The following WNK4 variants were observed in gnomAD, a reference collection of about 807,000 sequenced individuals.
WNK4 encodes serine/threonine-protein kinase WNK4.
A neutral mutation model predicts 116.2 loss-of-function variants in WNK4; 94 were observed. The observed-to-expected ratio is 0.81, with a 90% CI of 0.68 to 0.96. The LOEUF (loss-of-function observed/expected upper bound fraction) is 0.96. Among genes scored for constraint, WNK4 ranks in the 40% least tolerant of loss-of-function variants. The pLI is 0.00. For missense variants in WNK4, 1,542 were observed against 1,650.6 expected (o/e 0.93, Z 1.14); for synonymous variants, 655 against 672.7 (o/e 0.97, Z 0.41).
rs758558070 is a variant in WNK4 at position 42,784,406 on chromosome 17, G to T, written c.1013-16G>T. The T allele has an allele frequency of 2.5e-6, 4 of 1,612,258 alleles. No homozygotes were observed. The highest frequency in any genetic ancestry group is 1.7e-4 in the Middle Eastern group (1 of 6,060). On this transcript the variant is annotated splice_polypyrimidine_tract_variant and intron_variant, in intron 3 of 18. Transcript: ENST00000246914. This position sits in a 1 kb window ranked among gnomAD's most constrained non-coding sequence, Gnocchi z 4.4. ...CAGAGTGCCCAGCAATCTGATCCCT[G>T]CTGTGGACCCTACAGGGACCCCGGA...
chr17:42,787,382 A>G lies in WNK4; in HGVS notation c.1581A>G (p.Ala527=). 1 of 1,614,136 alleles carries G rather than the reference A, an allele frequency of 6.2e-7. No individual in the cohort carries two copies. ...GAAAGCGTGAGAAGCTGCGTAAAGCAAGGGAATTGGAGGCACTCCCACCAG... is the reference window on the plus strand; with the variant it reads ...GAAAGCGTGAGAAGCTGCGTAAAGCGAGGGAATTGGAGGCACTCCCACCAG... ...IQRKREKLRK[A]RELEALPPEP... is the part of the protein sequence containing the mutation. The change falls in exon 7 of 19, where the codon GCA becomes GCG. Residue 527 remains alanine (A), a synonymous_variant. Coordinates refer to ENST00000246914, the MANE Select transcript of WNK4 (RefSeq NM_032387.5).
chr17:42,784,230 C>G lies in WNK4; in HGVS notation c.1012+73C>G, dbSNP rs2054516838. The G allele has an allele frequency of 6.3e-7, 1 of 1,588,530 alleles. No homozygotes were observed. Among genetic ancestry groups the G allele is most frequent in the Admixed American group, 1.7e-5 (1 of 59,736 alleles). The stretch of plus-strand genomic sequence containing the variant: ...AGAAGAGAACCTGGGGACTCCCTCC[C>G]CTCAGCAAGGGCCTTCAAGGTCCAC... On this transcript the variant is annotated intron_variant, in intron 3 of 18. Transcript: ENST00000246914. The surrounding 1 kb of genome is among the most constrained non-coding windows in gnomAD (Gnocchi z 4.4).
rs201748544 is a variant in WNK4 at position 42,788,398 on chromosome 17, G to A, written c.2031G>A (p.Arg677=). 458 of 1,612,518 alleles carry A rather than the reference G, an allele frequency of 2.8e-4. 2 individuals carry two copies. In the Middle Eastern group the frequency reaches 3.7e-3, roughly 13 times the overall value. ...NLRRRPRSRL[R]VTSVSDQNDR... Reference sequence around the variant, plus strand: ...GGCGCAGACCCCGATCCCGGCTGCGGGTCACTAGTGTAAGGATGGAGTACA... The same window carrying A: ...GGCGCAGACCCCGATCCCGGCTGCGAGTCACTAGTGTAAGGATGGAGTACA... The change falls in exon 10 of 19, where the codon CGG becomes CGA. Residue 677 remains arginine (R), a synonymous_variant. Transcript: ENST00000246914.
rs374744005 is a variant in WNK4 at position 42,780,671 on chromosome 17, T to G, written c.-28T>G. On this transcript the variant is annotated 5_prime_UTR_variant, in exon 1 of 19. Transcript: ENST00000246914. ...CGCCTCCTCTCCGGCCGTCTGATTT[T>G]CTACCCTTCGGCGCCCTGCTCTTCC... The G allele has an allele frequency of 2.5e-6, 4 of 1,602,886 alleles. No individual in the cohort carries two copies. In the South Asian group the frequency reaches 3.3e-5, roughly 13 times the overall value.
Position 42,796,140 on chromosome 17 carries a change from A to G in WNK4, c.3449A>G (p.Glu1150Gly). The change falls in exon 17 of 19, where the codon GAA (glutamate) becomes GGA (glycine). Residue 1150 changes from glutamate (E) to glycine (G), a missense_variant. This residue lies in a region of WNK4 where 148 missense variants were observed against 157.2 expected (regional missense o/e 0.94). Coordinates refer to ENST00000246914, the MANE Select transcript of WNK4 (RefSeq NM_032387.5). ...ATCCTCAGGCACTTGTCAGAGGTGGAAACACTACAGACACTACAGAAAAAA... is the reference window on the plus strand; with the variant it reads ...ATCCTCAGGCACTTGTCAGAGGTGGGAACACTACAGACACTACAGAAAAAA... ...SLRQKHLSEV[E>G]TLQTLQKKEI... 2.5e-6 allele frequency: 4 copies of G among 1,614,130 alleles called. No individual in the cohort carries two copies. The highest frequency in any genetic ancestry group is 3.4e-6 in the Non-Finnish European group (4 of 1,180,020).
At chr17:42,787,171 G>A in intron 6 of WNK4, 107 bp from the exon 7 acceptor site, 1 of 1,500,616 alleles carries the variant, frequency 6.7e-7, no homozygotes, top group Non-Finnish European at 9.0e-7. Context: ...TAATCAGTAA[G>A]TGTTGGTTTT....
intron 11 of WNK4, 88 bp downstream of exon 11, chr17:42,788,885 C>A (rs1467131321): frequency 9.5e-7 from 1 of 1,054,896 alleles, no homozygotes; most frequent in African/African-American, 1.6e-5. Flanking sequence ...ACCCACTGAT[C>A]CGACAGCAAG....
At position 42,795,320 on chromosome 17, in the gene WNK4, C is replaced by G. The variant is rs1395837271; in HGVS notation, c.2899C>G (p.Pro967Ala). ...TCCCCTCCCTAGCCTGCCCCTTCCC[C>G]CTCCCGTTGCTCCTGGTGGCCAGGA... ...PSPLPSLPLPPPVAPGGQESP... is the reference protein window; with the variant it reads ...PSPLPSLPLPAPVAPGGQESP... Residue 967 changes from proline to alanine, a missense_variant, in exon 14 of 19, where the codon CCT (proline) becomes GCT (alanine). This residue lies in a region of WNK4 where 292 missense variants were observed against 290.1 expected (regional missense o/e 1.01). Transcript: ENST00000246914. 1.2e-6 allele frequency: 2 copies of G among 1,614,020 alleles called. No homozygotes were observed. The highest frequency in any genetic ancestry group is 1.7e-6 in the Non-Finnish European group (2 of 1,180,030).
chr17:42,785,596 T>C, intron 6 of WNK4, 114 bp downstream of exon 6: 1 of 1,251,136 alleles, frequency 8.0e-7, no homozygotes. Context: ...GCGGGGCACC[T>C]CACCCCTCTC....
chr17:42,784,489 G>C lies in WNK4; in HGVS notation c.1080G>C (p.Ala360=). ...EKYDEAVDVY[A]FGMCMLEMAT... ...ACGATGAGGCCGTGGACGTGTACGC[G>C]TTCGGCATGTGCATGCTGGAGATGG... Residue 360 remains alanine (A), a synonymous_variant, in exon 4 of 19, where the codon GCG becomes GCC. Coordinates refer to ENST00000246914, the MANE Select transcript of WNK4 (RefSeq NM_032387.5). The surrounding 1 kb of genome is among the most constrained non-coding windows in gnomAD (Gnocchi z 4.4). The C allele has an allele frequency of 6.2e-7, 1 of 1,613,984 alleles. No individual in the cohort carries two copies. Among genetic ancestry groups the C allele is most frequent in the African/African-American group, 1.3e-5 (1 of 74,998 alleles).
In WNK4 at chr17:42,793,595, T is replaced by C. The variant is rs1400231830; in HGVS notation, c.2161T>C (p.Tyr721His). Residue 721 changes from tyrosine (Y) to histidine (H), a missense_variant, in exon 12 of 19, where the codon TAT (tyrosine) becomes CAT (histidine). Coordinates refer to ENST00000246914, the MANE Select transcript of WNK4 (RefSeq NM_032387.5). The stretch of plus-strand genomic sequence containing the variant: ...CCATCCTGTTGACCCTCGCAAGGTA[T>C]ATAACGAGTTCATTCTGCCTTCGGA... ...SPEEIAAAMV[Y>H]NEFILPSERD... is the part of the protein sequence containing the mutation. 3 of 1,613,964 alleles carry C rather than the reference T, an allele frequency of 1.9e-6. No homozygotes were observed. Among genetic ancestry groups the C allele is most frequent in the South Asian group, 1.1e-5 (1 of 91,080 alleles).
In WNK4 at chr17:42,785,315, G is replaced by T. The variant is rs777975684; in HGVS notation, c.1309G>T (p.Gly437Cys). The T allele has an allele frequency of 8.7e-6, 14 of 1,612,196 alleles. No individual in the cohort carries two copies. The highest frequency in any genetic ancestry group is 1.7e-5 in the Admixed American group (1 of 59,760). The change falls in exon 6 of 19, where the codon GGT (glycine) becomes TGT (cysteine). Residue 437 changes from glycine to cysteine, a missense_variant. Transcript: ENST00000246914. Reference sequence around the variant, plus strand: ...CCACGCCTTCTTCCGCGAGGAGCGCGGTGTGCACGTGGAACTAGCGGAGGA... The same window carrying T: ...CCACGCCTTCTTCCGCGAGGAGCGCTGTGTGCACGTGGAACTAGCGGAGGA... ...LAHAFFREER[G>C]VHVELAEEDD...
rs1019672837 is a variant in WNK4 at position 42,782,799 on chromosome 17, G to T, written c.660G>T (p.Glu220Asp). 1 of 1,614,106 alleles carries T rather than the reference G, an allele frequency of 6.2e-7. No individual in the cohort carries two copies. The highest frequency in any genetic ancestry group is 8.5e-7 in the Non-Finnish European group (1 of 1,180,046). Reference sequence around the variant, plus strand: ...GAGCTGAGCGGCAGCGCTTCTCAGAGGAGGTGGAGATGCTCAAGGGGCTGC... The same window carrying T: ...GAGCTGAGCGGCAGCGCTTCTCAGATGAGGTGGAGATGCTCAAGGGGCTGC... ...LSRAERQRFS[E>D]EVEMLKGLQH... The change falls in exon 2 of 19, where the codon GAG becomes GAT. Residue 220 changes from glutamate (E) to aspartate (D), a missense_variant. Coordinates refer to ENST00000246914, the MANE Select transcript of WNK4 (RefSeq NM_032387.5). This position sits in a 1 kb window ranked among gnomAD's most constrained non-coding sequence, Gnocchi z 4.2.
chr17:42,795,684 C>A lies in WNK4; in HGVS notation c.3082C>A (p.Pro1028Thr), dbSNP rs1310705360. 2.5e-6 allele frequency: 4 copies of A among 1,613,160 alleles called. No individual in the cohort carries two copies. The highest frequency in any genetic ancestry group is 3.4e-6 in the Non-Finnish European group (4 of 1,180,034). The change falls in exon 16 of 19, where the codon CCT becomes ACT. Residue 1028 changes from proline to threonine, a missense_variant. Pro to Thr is a conservative substitution (Grantham distance 38). This residue lies in a region of WNK4 where 292 missense variants were observed against 290.1 expected (regional missense o/e 1.01). Transcript: ENST00000246914. Reference protein sequence around the residue: ...QVTSSKEPAEPLPLQPTSPTL... With the variant: ...QVTSSKEPAETLPLQPTSPTL... ...GACTTCATCCAAGGAACCGGCTGAG[C>A]CTCTTCCCTTGCAGCCAACATCCCC... is the stretch of plus-strand genomic sequence containing the variant.
At chr17:42,788,558 AG>A in intron 10 of WNK4, 122 bp from the exon 11 acceptor site, 1 of 1,139,516 alleles carries the variant, frequency 8.8e-7, no homozygotes. Flanking sequence ...ACCAGACTTT[AG>A]AGGTGGGGTC....
chr17:42,788,053 C>T (rs1597899016), intron 8 of WNK4, 77 bp from the exon 9 acceptor site: 8 of 1,592,740 alleles, frequency 5.0e-6, no homozygotes, highest in African/African-American at 4.0e-5. Context: ...TAATATCCTC[C>T]CAGCATCCTT....
chr17:42,788,519 C>T (rs2054576974), intron 10 of WNK4, 112 bp downstream of exon 10: 2 of 1,242,832 alleles, frequency 1.6e-6, no homozygotes, highest in Non-Finnish European at 2.4e-6. Flanking sequence ...ATGACTAGTA[C>T]TCAAGAGGCG....
At position 42,780,659 on chromosome 17, in the gene WNK4, GC is replaced by G. The variant is rs1459388310; in HGVS notation, c.-38del. ...CGTCTGTCAGGCCGCCTCCTCTCCG[GC>G]CGTCTGATTTTCTACCCTTCGGCGC... On this transcript the variant is annotated 5_prime_UTR_variant, in exon 1 of 19. Transcript: ENST00000246914. 3 of 1,599,382 alleles carry G rather than the reference GC, an allele frequency of 1.9e-6. No homozygotes were observed. In the African/African-American group the frequency reaches 4.0e-5, roughly 21 times the overall value.
intron 11 of WNK4, among the ~76,000 whole-genome samples, chr17:42,789,703 A>C (rs568845956): frequency 6.9e-6 from 1 of 145,192 alleles, no homozygotes; most frequent in South Asian, 2.2e-4. Context: ...TAAATAAATA[A>C]ATAAATAGAG....
Sources: gnomAD v4.1 joint callset for allele counts (sites outside exome capture counted in the v4.1 genomes callset) on GRCh38, gnomAD v4.1.1 for gene constraint, gnomAD v4.1.1 regional missense constraint, Gnocchi (gnomAD v3.1) non-coding constraint, MANE v1.5 for transcripts, NCBI Gene and HGNC (gene_info 2026-07-23, HGNC 2026-07-21) for gene names.